Variants in TTC4 observed in about 807,000 individuals in gnomAD.
TTC4 encodes hsp70/Hsp90 co-chaperone CNS1 homolog.
A neutral mutation model predicts 51.9 loss-of-function variants in TTC4; 36 were observed. The observed-to-expected ratio is 0.69, with a 90% confidence interval of 0.53 to 0.92. The LOEUF is 0.92. TTC4 is among the 40% of genes least tolerant of loss of function. The probability of loss-of-function intolerance (pLI) is 0.00; values close to 1 mark genes in which losing one functional copy is unlikely to be tolerated. For synonymous variants in TTC4, 144 were observed against 164.2 expected (o/e 0.88, Z 0.94); for missense variants, 399 against 454.6 (o/e 0.88, Z 1.11).
chr1:54,732,701 C>T (rs1272705975), intron 7 of TTC4, among the ~76,000 whole-genome samples: 1 of 151,830 alleles, frequency 6.6e-6, no homozygotes, highest in Non-Finnish European at 1.5e-5. Context: ...CTCGAATGTT[C>T]CTCCCACCTC....
chr1:54,722,831 G>C (rs746833459), intron 5 of TTC4, 32 bp downstream of exon 5: 1 of 1,564,268 alleles, frequency 6.4e-7, no homozygotes, highest in South Asian at 1.4e-5. Flanking sequence ...ATTAGCATTT[G>C]CTAATTAGCA....
chr1:54,741,708 C>T lies in TTC4; in HGVS notation c.*195C>T. The T allele has an allele frequency of 1.7e-6, 1 of 597,890 alleles. No individual in the cohort carries two copies. Among genetic ancestry groups the T allele is most frequent in the South Asian group, 2.1e-5 (1 of 48,726 alleles). 37.0% of individuals were successfully genotyped at this position (597,890 alleles called of 1,614,324 possible). ...GCCTCTCTGGCTGGTCTTCACTTTC[C>T]TCAGTTGATATAAAACTCTGGGTCT... On this transcript the variant is annotated 3_prime_UTR_variant, in exon 10 of 10. Coordinates refer to ENST00000371281, the MANE Select transcript of TTC4 (RefSeq NM_004623.5).
intron 4 of TTC4, among the ~76,000 whole-genome samples, chr1:54,722,450 A>T (rs530587324): frequency 1.3e-5 from 2 of 152,306 alleles, no homozygotes; most frequent in African/African-American, 4.8e-5. Flanking sequence ...CCTTAATACC[A>T]GGGAGACTTA....
intron 5 of TTC4, among the ~76,000 whole-genome samples, chr1:54,724,878 C>T (rs568043312): frequency 1.3e-5 from 2 of 152,300 alleles, no homozygotes; most frequent in South Asian, 2.1e-4. Context: ...TTTTCTAGGA[C>T]TCTGGAAATG....
Position 54,731,569 on chromosome 1 carries a change from A to T in TTC4, c.765A>T (p.Gly255=). The change falls in exon 7 of 10, where the codon GGA becomes GGT. Residue 255 remains glycine (G), a synonymous_variant. Transcript: ENST00000371281. ...SEGLGELFLD[G]LSTENPHGAR... ...GTCTAGGTGAGCTTTTCCTGGATGG[A>T]CTCAGCACTGAGAACCCCCATGGAG... 2 of 1,614,048 alleles carry T rather than the reference A, an allele frequency of 1.2e-6. No homozygotes were observed.
intron 8 of TTC4, among the ~76,000 whole-genome samples, chr1:54,734,223 C>T (rs1645907520): frequency 6.6e-6 from 1 of 152,042 alleles, no homozygotes; most frequent in Admixed American, 6.6e-5. Flanking sequence ...AGACGCGTGC[C>T]ACCACACCCA....
intron 8 of TTC4, 46 bp downstream of exon 8, chr1:54,733,756 T>A (rs1157855984): frequency 2.2e-5 from 9 of 406,354 alleles, no homozygotes; most frequent in African/African-American, 1.8e-4. Context: ...AATTTTTTTT[T>A]TTTTTTTTTT....
At chr1:54,738,758 G>T (rs193008475) in intron 9 of TTC4, among the ~76,000 whole-genome samples, 329 of 150,906 alleles carry the variant, frequency 2.2e-3, no homozygotes, top group African/African-American at 7.7e-3. Flanking sequence ...CACCCCCCAG[G>T]TTGAAGTGAT....
At chr1:54,736,154 AAAGAGAGAGAAAGAAAGAAAG>A (rs1262176495) in intron 8 of TTC4, among the ~76,000 whole-genome samples, 4 of 138,650 alleles carry the variant, frequency 2.9e-5, no homozygotes, top group African/African-American at 6.0e-5. Context: ...CTTGGGGGAG[AAAGAGAGAGAAAGAAAGAAAG>A]GAGAGAGAGA....
At chr1:54,725,390 G>C (rs1432326462) in intron 5 of TTC4, among the ~76,000 whole-genome samples, 2 of 152,220 alleles carry the variant, frequency 1.3e-5, no homozygotes, top group African/African-American at 4.8e-5. Flanking sequence ...ATGAAATTCT[G>C]TGGGGGCTCC....
intron 6 of TTC4, among the ~76,000 whole-genome samples, chr1:54,730,344 AAG>A (rs2101338569): frequency 6.7e-6 from 1 of 150,060 alleles, no homozygotes; most frequent in South Asian, 2.1e-4. Context: ...TAGCATACAT[AAG>A]AGTTACTCTC....
chr1:54,717,859 C>A, intron 3 of TTC4: 1 of 422,888 alleles, frequency 2.4e-6, no homozygotes, highest in Non-Finnish European at 3.9e-6. Context: ...CTGTCTCAAC[C>A]CAAAAAGTGA....
At chr1:54,730,874 C>T (rs1007923882) in intron 6 of TTC4, among the ~76,000 whole-genome samples, 2 of 151,980 alleles carry the variant, frequency 1.3e-5, no homozygotes, top group African/African-American at 4.8e-5. Flanking sequence ...TCTAAGTGCC[C>T]CTCCCTTCCA....
chr1:54,723,550 A>G (rs7525408), intron 5 of TTC4, among the ~76,000 whole-genome samples: 14,282 of 152,224 alleles, frequency 0.094, 967 homozygotes, highest in South Asian at 0.19. Flanking sequence ...AGACAGTATT[A>G]CACAGTGGCT....
chr1:54,722,523 C>T (rs1184978271), intron 4 of TTC4, 152 bp from the exon 5 acceptor site: 7 of 1,093,118 alleles, frequency 6.4e-6, no homozygotes, highest in African/African-American at 4.7e-5. Flanking sequence ...AAAGTATTCT[C>T]CCTTGTCTGG....
chr1:54,738,138 T>G lies in TTC4; in HGVS notation c.1061+474T>G, dbSNP rs191928470. On this transcript the variant is annotated intron_variant, in intron 9 of 9. Coordinates refer to ENST00000371281, the MANE Select transcript of TTC4 (RefSeq NM_004623.5). ...CTGGTCTTGAACTCCTGACCTCAGG[T>G]AATCCACCTGCCTTGGCCTCCCAAA... Among the ~76,000 whole-genome samples the G allele has an allele frequency of 6.9e-3, 1,056 of 152,216 alleles. 15 individuals carry two copies. The highest frequency in any genetic ancestry group is 0.024 in the African/African-American group (999 of 41,512).
intron 6 of TTC4, among the ~76,000 whole-genome samples, chr1:54,731,109 A>C (rs948988862): frequency 1.3e-5 from 2 of 152,214 alleles, no homozygotes; most frequent in African/African-American, 4.8e-5. Context: ...CACAAGATAG[A>C]TGCCCAATGA....
Position 54,741,666 on chromosome 1 carries a change from G to C in TTC4, c.*153G>C. ...GCATCGTGGTGGGGGAGGAGCCTCTGGCTTCCCTAAACTGCAGCCTCTCTG... is the reference window on the plus strand; with the variant it reads ...GCATCGTGGTGGGGGAGGAGCCTCTCGCTTCCCTAAACTGCAGCCTCTCTG... On this transcript the variant is annotated 3_prime_UTR_variant, in exon 10 of 10. Transcript: ENST00000371281. The C allele has an allele frequency of 1.5e-6, 1 of 656,516 alleles. No individual in the cohort carries two copies. The highest frequency in any genetic ancestry group is 2.6e-6 in the Non-Finnish European group (1 of 380,102). The allele number at this position is 656,516 out of a possible 1,614,324, so 40.7% of individuals were successfully genotyped here. A position where few individuals can be genotyped will look rare whatever the true frequency, so the allele number is the denominator to read the frequency against.
chr1:54,722,325 G>A (rs1409931034), intron 4 of TTC4, among the ~76,000 whole-genome samples: 1 of 152,122 alleles, frequency 6.6e-6, no homozygotes, highest in Non-Finnish European at 1.5e-5. Flanking sequence ...GGAACCTAAA[G>A]CTTGGATATG....
Sources: allele counts gnomAD v4.1 joint callset (sites outside exome capture counted in the v4.1 genomes callset), GRCh38; gene constraint gnomAD v4.1.1; transcripts MANE v1.5; gene names NCBI Gene and HGNC (gene_info 2026-07-23, HGNC 2026-07-21).